Variants in DAG1 observed in about 807,000 individuals in gnomAD.
DAG1 encodes dystroglycan 1, also known as dystroglycan 1 (dystrophin-associated glycoprotein 1).
In DAG1, 8 loss-of-function variants were observed where a neutral mutation model predicts 46.1. The ratio of observed to expected loss-of-function variants is 0.17; its 90% CI spans 0.10 to 0.31. The LOEUF is 0.31. Among genes scored for constraint, DAG1 ranks in the 10% least tolerant of loss-of-function variants. The pLI, the probability that DAG1 is intolerant of heterozygous loss-of-function variation, is 1.00. For missense variants in DAG1, 1,003 were observed against 1,189.9 expected, an observed-to-expected ratio of 0.84 and a Z score of 2.31; for synonymous variants, 495 against 481.8, an observed-to-expected ratio of 1.03 and a Z score of -0.36.
chr3:49,488,149 A>G (rs1259210410), intron 1 of DAG1, among the ~76,000 whole-genome samples: 1 of 152,176 alleles, frequency 6.6e-6, no homozygotes, highest in African/African-American at 2.4e-5. Flanking sequence ...TTACTCCCAG[A>G]TTGAATTTAT....
At chr3:49,511,250 G>A (rs764679837) in intron 2 of DAG1, among the ~76,000 whole-genome samples, 5 of 152,196 alleles carry the variant, frequency 3.3e-5, no homozygotes, top group Admixed American at 2.0e-4. Context: ...GTTGGCTAAT[G>A]TAATTGATCA....
At position 49,510,890 on chromosome 3, in the gene DAG1, TTTCAAGTCTAAGCTTCACC is replaced by T. The variant is rs2050746194; in HGVS notation, c.285+72_285+90del. 8 of 1,577,940 alleles carry T rather than the reference TTTCAAGTCTAAGCTTCACC, an allele frequency of 5.1e-6. No homozygotes were observed. In the East Asian group the frequency reaches 1.8e-4, roughly 36 times the overall value. ...CATTTTAGTTTTGGTGGCTTTTCCT[TTTCAAGTCTAAGCTTCACC>T]AATTCTGAGCTCAGTTCTTCCAGTA... On this transcript the variant is annotated intron_variant, in intron 2 of 2. Transcript: ENST00000308775.
chr3:49,478,802 C>CTTTTTTTTT (rs201202889), intron 1 of DAG1, among the ~76,000 whole-genome samples: 2,910 of 75,844 alleles, frequency 0.038, 313 homozygotes, highest in Non-Finnish European at 0.052. Context: ...CGTCCCCTCC[C>CTTTTTTTTT]TTTTTTTTTT....
At chr3:49,521,416 C>T (rs1376277071) in intron 2 of DAG1, among the ~76,000 whole-genome samples, 2 of 152,172 alleles carry the variant, frequency 1.3e-5, no homozygotes, top group African/African-American at 2.4e-5. Context: ...CCACCCGCCT[C>T]AGCCTCCCAA....
chr3:49,480,852 C>G (rs2049859410), intron 1 of DAG1, among the ~76,000 whole-genome samples: 1 of 133,682 alleles, frequency 7.5e-6, no homozygotes, highest in Non-Finnish European at 1.7e-5. Context: ...AGCTCCGCCT[C>G]CCGGGTTCAC....
At chr3:49,478,613 A>G (rs2049767456) in intron 1 of DAG1, among the ~76,000 whole-genome samples, 1 of 147,122 alleles carries the variant, frequency 6.8e-6, no homozygotes, top group African/African-American at 2.5e-5. Context: ...GCTGAGCTTA[A>G]GCGATTCATC....
chr3:49,504,971 C>CTT (rs766445405), intron 1 of DAG1, among the ~76,000 whole-genome samples: 4 of 139,184 alleles, frequency 2.9e-5, no homozygotes, highest in Middle Eastern at 3.6e-3. Context: ...CAGTCTTCTT[C>CTT]TTTTTTTTTT....
At position 49,473,895 on chromosome 3, in the gene DAG1, T is replaced by G. The variant is rs913777084; in HGVS notation, c.-117+3462T>G. On this transcript the variant is annotated intron_variant, in intron 1 of 2. Transcript: ENST00000308775. Reference sequence around the variant, plus strand: ...CACTGCGCCTGGCCTTTTTTTTTTTTTCTTCTGAGACAGAGTCTCACTCTG... The same window carrying G: ...CACTGCGCCTGGCCTTTTTTTTTTTGTCTTCTGAGACAGAGTCTCACTCTG... Among the ~76,000 whole-genome samples the G allele has an allele frequency of 1.5e-4, 23 of 150,468 alleles. 1 individual carries two copies. The Middle Eastern group carries it at 0.01, about 67-fold the overall frequency.
chr3:49,492,393 T>C (rs1169686933), intron 1 of DAG1, among the ~76,000 whole-genome samples: 8 of 152,222 alleles, frequency 5.3e-5, no homozygotes, highest in Non-Finnish European at 2.9e-5. Context: ...ATGCCTGTAA[T>C]CCCAGCATTT....
intron 1 of DAG1, among the ~76,000 whole-genome samples, chr3:49,498,062 T>C (rs1012212279): frequency 6.6e-6 from 1 of 152,340 alleles, no homozygotes; most frequent in African/African-American, 2.4e-5. Flanking sequence ...TGATAGAATG[T>C]GTAGTGCTTG....
intron 1 of DAG1, among the ~76,000 whole-genome samples, chr3:49,491,638 G>C (rs1350631814): frequency 6.6e-6 from 1 of 151,952 alleles, no homozygotes; most frequent in Non-Finnish European, 1.5e-5. Flanking sequence ...CAACACGCCT[G>C]GCTAATTTTT....
At chr3:49,506,137 G>T (rs961798228) in intron 1 of DAG1, among the ~76,000 whole-genome samples, 1 of 151,512 alleles carries the variant, frequency 6.6e-6, no homozygotes, top group Non-Finnish European at 1.5e-5. Flanking sequence ...CCGCCACCAC[G>T]CCTGGCTAAT....
intron 1 of DAG1, among the ~76,000 whole-genome samples, chr3:49,482,183 G>T (rs2049903544): frequency 6.6e-6 from 1 of 152,144 alleles, no homozygotes; most frequent in African/African-American, 2.4e-5. Flanking sequence ...TCAATAAACT[G>T]GGGACACAGT....
At chr3:49,504,678 C>A (rs1423783758) in intron 1 of DAG1, among the ~76,000 whole-genome samples, 1 of 139,362 alleles carries the variant, frequency 7.2e-6, no homozygotes, top group African/African-American at 2.6e-5. Flanking sequence ...CCTCTGCCTC[C>A]TGGGTTCATG....
At chr3:49,473,749 A>T (rs2049594892) in intron 1 of DAG1, among the ~76,000 whole-genome samples, 1 of 151,176 alleles carries the variant, frequency 6.6e-6, no homozygotes, top group Non-Finnish European at 1.5e-5. Context: ...CGCCAGGCTA[A>T]TTTTTTGCAT....
chr3:49,513,423 G>C (rs1466403395), intron 2 of DAG1, among the ~76,000 whole-genome samples: 1 of 152,154 alleles, frequency 6.6e-6, no homozygotes, highest in Non-Finnish European at 1.5e-5. Context: ...ATTGGTCAAA[G>C]CACATATAGA....
intron 1 of DAG1, among the ~76,000 whole-genome samples, chr3:49,507,219 C>T (rs538054516): frequency 6.6e-6 from 1 of 152,162 alleles, no homozygotes; most frequent in East Asian, 1.9e-4. Context: ...GTAGAACTTA[C>T]CGCTGATGTC....
Position 49,531,312 on chromosome 3 carries a change from C to T in DAG1, c.801C>T (p.Asn267=). The change falls in exon 3 of 3, where the codon AAC becomes AAT. Residue 267 remains asparagine, a synonymous_variant. Transcript: ENST00000308775. The surrounding 1 kb of genome is among the most constrained non-coding windows in gnomAD (Gnocchi z 7.0). ...CCTGGAAGCTGGGCTGCTCCCTGAA[C>T]CAGAACAGTGTGCCTGACATTCATG... is the stretch of plus-strand genomic sequence containing the variant. ...LLSWKLGCSL[N]QNSVPDIHGV... The T allele has an allele frequency of 1.9e-6, 3 of 1,614,176 alleles. No homozygotes were observed. The highest frequency in any genetic ancestry group is 2.5e-6 in the Non-Finnish European group (3 of 1,180,026).
chr3:49,531,828 T>G lies in DAG1; in HGVS notation c.1317T>G (p.Thr439=). 1.2e-6 allele frequency: 2 copies of G among 1,611,888 alleles called. No individual in the cohort carries two copies. Among genetic ancestry groups the G allele is most frequent in the Non-Finnish European group, 1.7e-6 (2 of 1,179,538 alleles). Residue 439 remains threonine (T), a synonymous_variant, in exon 3 of 3, where the codon ACT becomes ACG. Transcript: ENST00000308775. The surrounding 1 kb of genome is among the most constrained non-coding windows in gnomAD (Gnocchi z 7.0). ...CACCAAAACCAGCAACGCCTTCAAC[T>G]GACTCCACCACCACCACGACTCGCA... The part of the protein sequence containing the change: ...VSTPKPATPS[T]DSTTTTTRRP...
Sources: gnomAD v4.1 joint callset for allele counts (sites outside exome capture counted in the v4.1 genomes callset) on GRCh38, gnomAD v4.1.1 for gene constraint, Gnocchi (gnomAD v3.1) non-coding constraint, MANE v1.5 for transcripts, NCBI Gene and HGNC (gene_info 2026-07-23, HGNC 2026-07-21) for gene names.